Variants in BLVRB observed in about 807,000 individuals in gnomAD.
BLVRB encodes biliverdin reductase B.
A neutral mutation model predicts 21.1 loss-of-function variants in BLVRB; 25 were observed. The ratio of observed to expected loss-of-function variants is 1.19; its 90% CI spans 0.86 to 1.66. BLVRB has a LOEUF of 1.66. Among genes scored for constraint, BLVRB ranks in the 40% most tolerant of loss-of-function variants. The pLI is 0.00. For synonymous variants in BLVRB, 128 were observed against 122.2 expected (o/e 1.05, Z -0.31); for missense variants, 274 against 282.7 (o/e 0.97, Z 0.22).
chr19:40,450,569 G>A (rs1599685705), intron 4 of BLVRB: 1 of 148,232 alleles, frequency 6.7e-6, no homozygotes, highest in Middle Eastern at 3.3e-3. Flanking sequence ...TTTTTTTTTA[G>A]ACAGGGTCTC....
chr19:40,454,554 C>CTTTTTTCT (rs1555805786), intron 3 of BLVRB, among the ~76,000 whole-genome samples: 34 of 147,268 alleles, frequency 2.3e-4, no homozygotes, highest in Non-Finnish European at 3.0e-4. Context: ...TTTCTTTTTT[C>CTTTTTTCT]TTTTTTTTTT....
intron 2 of BLVRB, 25 bp downstream of exon 2, chr19:40,458,356 C>T (rs1340300395): frequency 1.5e-5 from 23 of 1,535,982 alleles, no homozygotes; most frequent in Admixed American, 1.2e-4. Context: ...AGGGGAGGGC[C>T]GTGGGCAGAG....
chr19:40,461,930 CCT>C (rs2145783390), intron 1 of BLVRB, among the ~76,000 whole-genome samples: 1 of 152,344 alleles, frequency 6.6e-6, no homozygotes, highest in South Asian at 2.1e-4. Flanking sequence ...ACTTGTACTT[CCT>C]CTGTCACAGC....
chr19:40,455,915 C>T (rs1474731183), intron 3 of BLVRB, among the ~76,000 whole-genome samples: 1 of 152,010 alleles, frequency 6.6e-6, no homozygotes, highest in African/African-American at 2.4e-5. Context: ...AGTTCGGGAC[C>T]AGCCTGGGCA....
chr19:40,458,365 A>AG lies in BLVRB; in HGVS notation c.244+15dup, dbSNP rs754797657. Reference sequence around the variant, plus strand: ...AGGTGTAGGGGAGGGCCGTGGGCAGAGGGGGGGCTCAGTACTGAGGTCATT... The same window carrying AG: ...AGGTGTAGGGGAGGGCCGTGGGCAGAGGGGGGGGCTCAGTACTGAGGTCATT... On this transcript the variant is annotated intron_variant, in intron 2 of 4. Transcript: ENST00000263368. 179 of 1,538,918 alleles carry AG rather than the reference A, an allele frequency of 1.2e-4. No homozygotes were observed. Among genetic ancestry groups the AG allele is most frequent in the Admixed American group, 1.7e-4 (9 of 53,096 alleles).
intron 3 of BLVRB, among the ~76,000 whole-genome samples, chr19:40,452,827 G>A (rs192588939): frequency 9.2e-5 from 14 of 151,398 alleles, no homozygotes; most frequent in Admixed American, 6.6e-4. Context: ...ATCGCGCCAC[G>A]GCACTCCAGC....
At chr19:40,462,458 T>G (rs1227859002) in intron 1 of BLVRB, among the ~76,000 whole-genome samples, 3 of 151,220 alleles carry the variant, frequency 2.0e-5, no homozygotes, top group Non-Finnish European at 3.0e-5. Context: ...TTTTGTATTT[T>G]TAGTAGAGAT....
chr19:40,451,246 A>C (rs1009892340), intron 4 of BLVRB, 118 bp downstream of exon 4: 1 of 1,432,678 alleles, frequency 7.0e-7, no homozygotes, highest in Admixed American at 2.2e-5. Flanking sequence ...TATATGTCAC[A>C]ATATCATAGG....
chr19:40,458,159 G>C lies in BLVRB; in HGVS notation c.330C>G (p.Thr110=), dbSNP rs771947418. The C allele has an allele frequency of 6.2e-7, 1 of 1,613,752 alleles. No homozygotes were observed. The highest frequency in any genetic ancestry group is 8.5e-7 in the Non-Finnish European group (1 of 1,179,810). ...CTCCATGATCCCACCACCCACCCGAGGTGCAGGCCACGACCTTGTCCACAC... is the reference window on the plus strand; with the variant it reads ...CTCCATGATCCCACCACCCACCCGACGTGCAGGCCACGACCTTGTCCACAC... ...AHGVDKVVAC[T]SAFLLWDPTK... is the part of the protein sequence containing the mutation. Residue 110 remains threonine (T), a synonymous_variant, in exon 3 of 5, where the codon ACC becomes ACG. Transcript: ENST00000263368.
intron 1 of BLVRB, among the ~76,000 whole-genome samples, chr19:40,461,931 C>T (rs118110133): frequency 0.026 from 3,985 of 152,340 alleles, 83 homozygotes; most frequent in Non-Finnish European, 0.039. Flanking sequence ...CTTGTACTTC[C>T]TCTGTCACAG....
At chr19:40,453,566 C>T (rs2079749878) in intron 3 of BLVRB, among the ~76,000 whole-genome samples, 1 of 152,202 alleles carries the variant, frequency 6.6e-6, no homozygotes, top group African/African-American at 2.4e-5. Flanking sequence ...TTACCTCAAG[C>T]CAAGAACTAT....
rs767495670 is a variant in BLVRB, at chr19:40,465,713, G to A, written c.-25C>T. Reference sequence around the variant, plus strand: ...TCGTACGGGATCGTGGGGGTGCAAGGCCTCAGAGTCTCGGCACGCGCGGGA... The same window carrying A: ...TCGTACGGGATCGTGGGGGTGCAAGACCTCAGAGTCTCGGCACGCGCGGGA... On this transcript the variant is annotated 5_prime_UTR_variant, in exon 1 of 5. Transcript: ENST00000263368. 3.1e-6 allele frequency: 5 copies of A among 1,609,592 alleles called. No individual in the cohort carries two copies. Among genetic ancestry groups the A allele is most frequent in the Middle Eastern group, 1.7e-4 (1 of 6,044 alleles).
intron 3 of BLVRB, 46 bp downstream of exon 3, chr19:40,458,109 C>T (rs1187464225): frequency 6.3e-7 from 1 of 1,582,840 alleles, no homozygotes; most frequent in Admixed American, 1.7e-5. Context: ...GGCTGCCTCC[C>T]CAGTACCCCC....
intron 4 of BLVRB, chr19:40,450,581 C>A (rs2079735125): frequency 1.3e-5 from 2 of 151,202 alleles, no homozygotes; most frequent in South Asian, 4.2e-4. Context: ...CAGGGTCTCA[C>A]TCTATTACCC....
In BLVRB at chr19:40,456,976, C is replaced by T. The variant is rs535281379; in HGVS notation, c.334+1179G>A. On this transcript the variant is annotated intron_variant, in intron 3 of 4. Coordinates refer to ENST00000263368, the MANE Select transcript of BLVRB (RefSeq NM_000713.3). The stretch of plus-strand genomic sequence containing the variant: ...AAACTAAAATTAACAGCAGACCATT[C>T]CAATCTGCGAACAAAAGTAAGACCT... Among the ~76,000 whole-genome samples, 12 of 151,886 alleles carry T rather than the reference C, an allele frequency of 7.9e-5. No homozygotes were observed. In the South Asian group the frequency reaches 2.5e-3, roughly 32 times the overall value.
At chr19:40,458,108 C>T in intron 3 of BLVRB, 47 bp downstream of exon 3, 2 of 1,580,556 alleles carry the variant, frequency 1.3e-6, no homozygotes, top group East Asian at 4.5e-5. Flanking sequence ...GGGCTGCCTC[C>T]CCAGTACCCC....
chr19:40,459,327 C>CAAAAAAAAAAAAAAAAAAAAAAAAA (rs751696189), intron 1 of BLVRB, among the ~76,000 whole-genome samples: 1 of 34,398 alleles, frequency 2.9e-5, no homozygotes, highest in Admixed American at 4.0e-4. Context: ...GACTCTATCT[C>CAAAAAAAAAAAAAAAAAAAAAAAAA]AAAAAAAAAA....
chr19:40,453,778 G>A (rs1490654662), intron 3 of BLVRB, among the ~76,000 whole-genome samples: 1 of 152,140 alleles, frequency 6.6e-6, no homozygotes, highest in Non-Finnish European at 1.5e-5. Flanking sequence ...GATCAGTTGA[G>A]CCCAGCAGTT....
At chr19:40,456,648 A>C (rs2079763353) in intron 3 of BLVRB, among the ~76,000 whole-genome samples, 1 of 152,156 alleles carries the variant, frequency 6.6e-6, no homozygotes, top group Admixed American at 6.6e-5. Flanking sequence ...GCACTTTGGA[A>C]GGCTGAGGTG....
Sources: allele counts gnomAD v4.1 joint callset (sites outside exome capture counted in the v4.1 genomes callset), GRCh38; gene constraint gnomAD v4.1.1; transcripts MANE v1.5; gene names NCBI Gene and HGNC (gene_info 2026-07-23, HGNC 2026-07-21).